The following WWOX variants were observed in gnomAD, a reference collection of about 807,000 sequenced individuals.
The protein encoded by WWOX is WW domain-containing oxidoreductase.
Under a neutral mutation model 46.2 loss-of-function variants are expected in WWOX, and 69 were observed. The observed-to-expected ratio is 1.49, with a 90% confidence interval of 1.23 to 1.82. The LOEUF (loss-of-function observed/expected upper bound fraction) is 1.82, where lower values mean the gene tolerates loss of function less well. Among genes scored for constraint, WWOX ranks in the 40% most tolerant of loss-of-function variants. The pLI, the probability that WWOX is intolerant of heterozygous loss-of-function variation, is 0.00. For synonymous variants in WWOX, 359 were observed against 202.6 expected, an observed-to-expected ratio of 1.77 and a Z score of -6.56; for missense variants, 919 against 542.6, an observed-to-expected ratio of 1.69 and a Z score of -6.89.
intron 8 of WWOX, among the ~76,000 whole-genome samples, chr16:78,791,549 T>C (rs2050600800): frequency 6.6e-6 from 1 of 152,098 alleles, no homozygotes; most frequent in African/African-American, 2.4e-5. Context: ...CTAAGGATCA[T>C]ACCTTCGCAG....
At chr16:78,769,037 C>A (rs1199371113) in intron 8 of WWOX, among the ~76,000 whole-genome samples, 1 of 152,136 alleles carries the variant, frequency 6.6e-6, no homozygotes. Context: ...TGTTATTTTT[C>A]TTCAAGAGAG....
At chr16:78,892,535 G>T (rs921992721) in intron 8 of WWOX, among the ~76,000 whole-genome samples, 2 of 152,206 alleles carry the variant, frequency 1.3e-5, no homozygotes, top group African/African-American at 4.8e-5. Flanking sequence ...GGAGCTGGAC[G>T]ACAACATTCT....
At chr16:79,132,321 A>T (rs1001314516) in intron 8 of WWOX, among the ~76,000 whole-genome samples, 10 of 152,190 alleles carry the variant, frequency 6.6e-5, no homozygotes, top group Admixed American at 1.3e-4. Flanking sequence ...TTCAGGCAAG[A>T]TTTTGTTAGG....
chr16:78,459,451 C>T (rs1597115243), intron 8 of WWOX, among the ~76,000 whole-genome samples: 1 of 152,148 alleles, frequency 6.6e-6, no homozygotes. Flanking sequence ...CTCTTGTATC[C>T]GTTTTCTTCC....
intron 8 of WWOX, among the ~76,000 whole-genome samples, chr16:79,037,872 C>T (rs1053124924): frequency 6.6e-6 from 1 of 152,138 alleles, no homozygotes; most frequent in Non-Finnish European, 1.5e-5. Context: ...GGGTGGCCGA[C>T]TGTGCCAGTA....
chr16:78,156,414 T>G (rs1219042570), intron 4 of WWOX, among the ~76,000 whole-genome samples: 2 of 152,172 alleles, frequency 1.3e-5, no homozygotes, highest in East Asian at 3.8e-4. Context: ...TTTTAATATT[T>G]ATTCATTATT....
intron 8 of WWOX, among the ~76,000 whole-genome samples, chr16:78,793,667 A>C (rs1317376305): frequency 6.6e-6 from 1 of 152,302 alleles, no homozygotes; most frequent in Admixed American, 6.5e-5. Flanking sequence ...CAGACTATTC[A>C]GCCATTATGG....
intron 8 of WWOX, among the ~76,000 whole-genome samples, chr16:79,148,906 G>GT (rs60513029): frequency 0.32 from 48,269 of 151,832 alleles, 7,847 homozygotes; most frequent in East Asian, 0.48. Flanking sequence ...AGTTCCAGGA[G>GT]TTTTTTATTT....
chr16:79,130,877 G>T (rs1367023232), intron 8 of WWOX, among the ~76,000 whole-genome samples: 1 of 152,190 alleles, frequency 6.6e-6, no homozygotes, highest in South Asian at 2.1e-4. Flanking sequence ...AGCCAAGGGG[G>T]CCCTGTGACC....
At chr16:78,840,996 T>G (rs1329506227) in intron 8 of WWOX, among the ~76,000 whole-genome samples, 5 of 152,064 alleles carry the variant, frequency 3.3e-5, no homozygotes, top group Non-Finnish European at 7.4e-5. Flanking sequence ...ACTTAGCAGG[T>G]GGGGTCCACG....
chr16:79,088,299 G>A (rs534767845), intron 8 of WWOX, among the ~76,000 whole-genome samples: 1 of 152,300 alleles, frequency 6.6e-6, no homozygotes, highest in East Asian at 1.9e-4. Context: ...GAGCATTGCA[G>A]CCCGTTGGTT....
At position 78,386,923 on chromosome 16, in the gene WWOX, G is replaced by C. The variant is rs761696783; in HGVS notation, c.580G>C (p.Ala194Pro). ...LALLRSVQHF[A>P]EAFKAKNVPL... is the part of the protein sequence containing the mutation. ...TCTGCTCCGTAGCGTGCAGCATTTTGCTGAAGCATTCAAGGCCAAGAATGT... is the reference window on the plus strand; with the variant it reads ...TCTGCTCCGTAGCGTGCAGCATTTTCCTGAAGCATTCAAGGCCAAGAATGT... Residue 194 changes from alanine (A) to proline (P), a missense_variant, in exon 6 of 9, where the codon GCT becomes CCT. By Grantham distance (27) the Ala-to-Pro change is conservative. Coordinates refer to ENST00000566780, the MANE Select transcript of WWOX (RefSeq NM_016373.4). 16 of 1,613,990 alleles carry C rather than the reference G, an allele frequency of 9.9e-6. No homozygotes were observed. The highest frequency in any genetic ancestry group is 2.7e-5 in the African/African-American group (2 of 74,912).
In WWOX at chr16:79,191,824, G is replaced by C. The variant is rs8056906; in HGVS notation, c.1057-19784G>C. 8.1e-3 allele frequency among the ~76,000 whole-genome samples: 1,240 copies of C among 152,234 alleles called. 10 individuals carry two copies. The highest frequency in any genetic ancestry group is 0.029 in the African/African-American group (1,197 of 41,522). On this transcript the variant is annotated intron_variant, in intron 8 of 8. Transcript: ENST00000566780. ...TTTAAAAAAATCATAGCGTCTAGGGGATATACACTTCTAAGCCCATTCTTC... is the reference window on the plus strand; with the variant it reads ...TTTAAAAAAATCATAGCGTCTAGGGCATATACACTTCTAAGCCCATTCTTC...
chr16:79,035,359 C>T (rs915427139), intron 8 of WWOX, among the ~76,000 whole-genome samples: 2 of 152,010 alleles, frequency 1.3e-5, no homozygotes, highest in African/African-American at 4.8e-5. Context: ...AATATTGTAC[C>T]AAGAACAAAA....
intron 8 of WWOX, among the ~76,000 whole-genome samples, chr16:78,619,007 A>G (rs1377189937): frequency 6.7e-6 from 1 of 149,288 alleles, no homozygotes; most frequent in Non-Finnish European, 1.5e-5. Flanking sequence ...TCTTCATTTA[A>G]GTGTTAGGCC....
intron 4 of WWOX, among the ~76,000 whole-genome samples, chr16:78,132,053 C>T (rs1232011013): frequency 7.4e-6 from 1 of 135,214 alleles, no homozygotes; most frequent in Admixed American, 7.9e-5. Flanking sequence ...GAGACAGAGT[C>T]TCACTCTGTC....
At chr16:78,749,766 G>A (rs763238997) in intron 8 of WWOX, among the ~76,000 whole-genome samples, 2 of 152,154 alleles carry the variant, frequency 1.3e-5, no homozygotes, top group South Asian at 4.1e-4. Context: ...TTCAAATCTC[G>A]AGTTACCTGA....
At chr16:79,020,628 G>A (rs1191871880) in intron 8 of WWOX, among the ~76,000 whole-genome samples, 1 of 152,186 alleles carries the variant, frequency 6.6e-6, no homozygotes. Context: ...GAAAGATGGC[G>A]ATGGGGAAGG....
At chr16:78,321,112 G>A (rs111293102) in intron 5 of WWOX, among the ~76,000 whole-genome samples, 25 of 151,972 alleles carry the variant, frequency 1.6e-4, no homozygotes, top group South Asian at 4.1e-4. Context: ...CTTTTAAAGC[G>A]TAGAAAAGTT....
Sources: allele counts gnomAD v4.1 joint callset (sites outside exome capture counted in the v4.1 genomes callset), GRCh38; gene constraint gnomAD v4.1.1; transcripts MANE v1.5; gene names NCBI Gene and HGNC (gene_info 2026-07-23, HGNC 2026-07-21).